Variants in FSIP1 observed in about 807,000 individuals in gnomAD.
FSIP1 encodes fibrous sheath interacting protein 1.
Under a neutral mutation model 60.9 loss-of-function variants are expected in FSIP1, and 65 were observed. The observed-to-expected ratio is 1.07, with a 90% CI of 0.87 to 1.31. The LOEUF is 1.31. Ranked by LOEUF, FSIP1 falls within the 40% of genes most tolerant of loss-of-function variation. The pLI is 0.00. For synonymous variants in FSIP1, 209 were observed against 221.2 expected, an observed-to-expected ratio of 0.94 and a Z score of 0.49; for missense variants, 675 against 665.5, an observed-to-expected ratio of 1.01 and a Z score of -0.16.
intron 10 of FSIP1, among the ~76,000 whole-genome samples, chr15:39,693,956 A>G (rs1225104722): frequency 6.6e-6 from 1 of 152,204 alleles, no homozygotes; most frequent in Admixed American, 6.5e-5. Flanking sequence ...AAAAAATGAT[A>G]AGAAGGTGAA....
chr15:39,712,648 T>C (rs1895567865), intron 10 of FSIP1, among the ~76,000 whole-genome samples: 2 of 152,154 alleles, frequency 1.3e-5, no homozygotes, highest in Admixed American at 1.3e-4. Flanking sequence ...AGCCTTGACA[T>C]GTTTAATTTT....
At position 39,713,505 on chromosome 15, in the gene FSIP1, C is replaced by T. The variant is rs371744540; in HGVS notation, c.1127G>A (p.Arg376His). 38 of 1,611,260 alleles carry T rather than the reference C, an allele frequency of 2.4e-5. No individual in the cohort carries two copies. In the African/African-American group the frequency reaches 2.9e-4, roughly 12 times the overall value. Residue 376 changes from arginine to histidine, a missense_variant, in exon 10 of 12, where the codon CGC (arginine) becomes CAC (histidine). By Grantham distance (29) the Arg-to-His change is conservative. Coordinates refer to ENST00000350221, the MANE Select transcript of FSIP1 (RefSeq NM_152597.5). ...EKILRNTKEQ[R>H]DLHNRLREID... is the part of the protein sequence containing the mutation. The stretch of plus-strand genomic sequence containing the variant: ...CTCTCTCAGCCGATTATGCAGATCG[C>T]GTTGCTCTTTGGTGTTCCTAAGTAT...
intron 10 of FSIP1, among the ~76,000 whole-genome samples, chr15:39,625,008 G>A (rs1891580917): frequency 6.6e-6 from 1 of 152,178 alleles, no homozygotes; most frequent in East Asian, 1.9e-4. Context: ...GCTCTGAAGC[G>A]AGGTCATGAA....
chr15:39,640,007 A>T (rs1272292931), intron 10 of FSIP1, among the ~76,000 whole-genome samples: 1 of 152,234 alleles, frequency 6.6e-6, no homozygotes, highest in Non-Finnish European at 1.5e-5. Context: ...GGTACCCAGC[A>T]AAGAGAAGAT....
rs1896738329 is a variant in FSIP1, at chr15:39,739,669, A to G, written c.776T>C (p.Ile259Thr). 3.1e-6 allele frequency: 5 copies of G among 1,592,078 alleles called. No homozygotes were observed. The highest frequency in any genetic ancestry group is 3.4e-6 in the Non-Finnish European group (4 of 1,175,178). The change falls in exon 7 of 12, where the codon ATT (isoleucine) becomes ACT (threonine). Residue 259 changes from isoleucine (I) to threonine (T), a missense_variant. By Grantham distance (89) the Ile-to-Thr change is moderately conservative. Transcript: ENST00000350221. ...KHNQDFIKRN[I>T]ELAKESRNPV... ...TCTGAATTTCTAAGTACATACCTCA[A>G]TGTTTCTCTTAATAAAATCCTGGTT...
At chr15:39,676,095 C>T (rs1450051228) in intron 10 of FSIP1, among the ~76,000 whole-genome samples, 1 of 149,650 alleles carries the variant, frequency 6.7e-6, no homozygotes, top group Non-Finnish European at 1.5e-5. Context: ...ATGGCGTGAA[C>T]CCGGAAGGCG....
intron 5 of FSIP1, among the ~76,000 whole-genome samples, chr15:39,750,970 GTAAATAGA>G (rs1056585893): frequency 6.6e-6 from 1 of 151,778 alleles, no homozygotes; most frequent in African/African-American, 2.4e-5. Context: ...AATGGGCAAA[GTAAATAGA>G]TATTTTTTCA....
At chr15:39,753,592 T>C (rs1333644589) in intron 5 of FSIP1, among the ~76,000 whole-genome samples, 1 of 152,080 alleles carries the variant, frequency 6.6e-6, no homozygotes, top group African/African-American at 2.4e-5. Context: ...TCCATTAATT[T>C]TAAAACATTA....
chr15:39,755,039 T>C (rs1897260924), intron 5 of FSIP1, among the ~76,000 whole-genome samples: 1 of 151,936 alleles, frequency 6.6e-6, no homozygotes, highest in African/African-American at 2.4e-5. Flanking sequence ...AGAGGGAAAC[T>C]GAGTGGTGTC....
Position 39,731,001 on chromosome 15 carries a change from G to C in FSIP1, c.892-4254C>G, listed in dbSNP as rs1311783676. Among the ~76,000 whole-genome samples, 3 of 152,252 alleles carry C rather than the reference G, an allele frequency of 2.0e-5. No individual in the cohort carries two copies. In the South Asian group the frequency reaches 6.2e-4, roughly 32 times the overall value. On this transcript the variant is annotated intron_variant, in intron 8 of 11. Transcript: ENST00000350221. ...AATAAATTCATTTTCTGTTGCTTTAGCCAAAGTCCATCTTTGTTACTTGCA... is the reference window on the plus strand; with the variant it reads ...AATAAATTCATTTTCTGTTGCTTTACCCAAAGTCCATCTTTGTTACTTGCA...
intron 8 of FSIP1, among the ~76,000 whole-genome samples, chr15:39,730,215 T>A (rs577040787): frequency 3.3e-5 from 5 of 152,098 alleles, no homozygotes; most frequent in African/African-American, 1.2e-4. Context: ...GATAATGAAT[T>A]GTTTGGGACC....
intron 8 of FSIP1, among the ~76,000 whole-genome samples, chr15:39,735,369 T>C (rs1896568196): frequency 6.6e-6 from 1 of 152,242 alleles, no homozygotes. Flanking sequence ...TACTGTGTTG[T>C]AGGTGATTGT....
chr15:39,601,950 T>C (rs1472073270), intron 11 of FSIP1, among the ~76,000 whole-genome samples: 1 of 151,784 alleles, frequency 6.6e-6, no homozygotes, highest in South Asian at 2.1e-4. Flanking sequence ...GTGGAAAAAA[T>C]AAAAAATTGA....
intron 10 of FSIP1, among the ~76,000 whole-genome samples, chr15:39,675,141 A>G (rs911762119): frequency 4.6e-5 from 7 of 152,206 alleles, no homozygotes; most frequent in Admixed American, 6.5e-5. Context: ...ATAAACTCAC[A>G]TAATTGGCAA....
At chr15:39,616,376 GC>G (rs1192197332) in intron 11 of FSIP1, among the ~76,000 whole-genome samples, 1 of 152,184 alleles carries the variant, frequency 6.6e-6, no homozygotes, top group Non-Finnish European at 1.5e-5. Flanking sequence ...AAAATGTTAT[GC>G]AGTTTTAAGG....
At chr15:39,757,768 T>C (rs776184266) in intron 5 of FSIP1, among the ~76,000 whole-genome samples, 1 of 152,122 alleles carries the variant, frequency 6.6e-6, no homozygotes, top group Non-Finnish European at 1.5e-5. Context: ...ACCTCTTCAT[T>C]TTGGTGAACT....
chr15:39,655,443 T>C (rs1893034018), intron 10 of FSIP1, among the ~76,000 whole-genome samples: 1 of 152,220 alleles, frequency 6.6e-6, no homozygotes, highest in South Asian at 2.1e-4. Context: ...TCTGTGCAGA[T>C]GCAATCACCC....
intron 10 of FSIP1, among the ~76,000 whole-genome samples, chr15:39,687,816 C>T (rs1275519123): frequency 1.3e-5 from 2 of 152,156 alleles, no homozygotes; most frequent in African/African-American, 4.8e-5. Context: ...AAGACTTTAC[C>T]TCTACCTAAC....
At chr15:39,712,167 A>AC (rs199597771) in intron 10 of FSIP1, among the ~76,000 whole-genome samples, 2 of 146,728 alleles carry the variant, frequency 1.4e-5, no homozygotes, top group African/African-American at 5.3e-5. Context: ...AACTCTCATT[A>AC]GGGGGCCTGA....
Sources: gnomAD v4.1 joint callset for allele counts (sites outside exome capture counted in the v4.1 genomes callset) on GRCh38, gnomAD v4.1.1 for gene constraint, MANE v1.5 for transcripts, NCBI Gene and HGNC (gene_info 2026-07-23, HGNC 2026-07-21) for gene names.